The following ZNF709 variants were observed in gnomAD, a reference collection of about 807,000 sequenced individuals.
ZNF709 encodes the protein zinc finger protein 709.
ZNF709 carries 15 observed loss-of-function variants against 10.6 expected under a neutral mutation model. The ratio of observed to expected loss-of-function variants is 1.41; its 90% CI spans 0.95 to 2.18. The LOEUF is 2.18. Among genes scored for constraint, ZNF709 ranks in the 30% most tolerant of loss-of-function variants. The pLI is 0.00. For synonymous variants in ZNF709, 194 were observed against 238.8 expected, an observed-to-expected ratio of 0.81 and a Z score of 1.73; for missense variants, 589 against 774.0, an observed-to-expected ratio of 0.76 and a Z score of 2.84.
intron 1 of ZNF709, among the ~76,000 whole-genome samples, chr19:12,477,525 C>G (rs962452667): frequency 3.3e-5 from 5 of 152,110 alleles, no homozygotes; most frequent in African/African-American, 1.2e-4. Flanking sequence ...ACTTATTTGT[C>G]TTCTATTTTA....
intron 1 of ZNF709, among the ~76,000 whole-genome samples, chr19:12,474,762 G>T (rs942088697): frequency 5.3e-5 from 8 of 152,146 alleles, no homozygotes; most frequent in African/African-American, 1.9e-4. Context: ...CATTCAAAGT[G>T]TTAAGCTAAT....
rs1385980298 is a variant in ZNF709, at chr19:12,461,208, T to C, written c.*2788A>G. 6.6e-6 allele frequency: 1 copy of C among 152,238 alleles called. No homozygotes were observed. The highest frequency in any genetic ancestry group is 1.5e-5 in the Non-Finnish European group (1 of 68,048). 9.4% of individuals were successfully genotyped at this position (152,238 alleles called of 1,614,324 possible). ...CTATAATTGCAATGGAATATTTTAA[T>C]ATATCCTTGCAGAAAATTAAATAGA... On this transcript the variant is annotated 3_prime_UTR_variant, in exon 4 of 4. Coordinates refer to ENST00000397732, the MANE Select transcript of ZNF709 (RefSeq NM_152601.4).
At chr19:12,466,917 T>C (rs1407280280) in intron 1 of ZNF709, 67 bp from the exon 2 acceptor site, 1 of 1,518,966 alleles carries the variant, frequency 6.6e-7, no homozygotes, top group Non-Finnish European at 8.8e-7. Context: ...TAAACTCAGT[T>C]CATTAAAAGT....
chr19:12,467,329 G>A (rs1210142817), intron 1 of ZNF709, among the ~76,000 whole-genome samples: 1 of 152,216 alleles, frequency 6.6e-6, no homozygotes, highest in African/African-American at 2.4e-5. Context: ...TTTTGGTGGA[G>A]ACGGGGTTTC....
At chr19:12,470,080 C>G (rs1296673335) in intron 1 of ZNF709, among the ~76,000 whole-genome samples, 2 of 152,154 alleles carry the variant, frequency 1.3e-5, no homozygotes, top group Admixed American at 6.5e-5. Flanking sequence ...AAGAAGTGAT[C>G]CGCAAACAGC....
At chr19:12,466,969 A>G in intron 1 of ZNF709, 119 bp from the exon 2 acceptor site, 1 of 1,405,768 alleles carries the variant, frequency 7.1e-7, no homozygotes, top group Non-Finnish European at 9.5e-7. Context: ...CTTTGTCATC[A>G]GAACTCAAAT....
chr19:12,465,522 T>C lies in ZNF709; in HGVS notation c.400A>G (p.Lys134Glu). The C allele has an allele frequency of 6.2e-7, 1 of 1,611,464 alleles. No homozygotes were observed. Among genetic ancestry groups the C allele is most frequent in the Non-Finnish European group, 8.5e-7 (1 of 1,179,162 alleles). ...HTEHRSYEYH[K>E]YGEKSYECKE... ...CATTCATATGATTTCTCTCCATATT[T>C]GTGATATTCATATGATCTATGTTCA... The change falls in exon 4 of 4, where the codon AAA becomes GAA. Residue 134 changes from lysine (K) to glutamate (E), a missense_variant. Physicochemically the swap from Lys to Glu is moderately conservative, Grantham distance 56 (BLOSUM62 1). Around this residue, in one of 2 missense-constraint regions of ZNF709, gnomAD observed 418 missense variants for 496.3 expected, o/e 0.84. Coordinates refer to ENST00000397732, the MANE Select transcript of ZNF709 (RefSeq NM_152601.4).
chr19:12,481,424 G>A (rs1970725979), intron 1 of ZNF709, among the ~76,000 whole-genome samples: 1 of 151,830 alleles, frequency 6.6e-6, no homozygotes, highest in Non-Finnish European at 1.5e-5. Context: ...ATTTTTAGTA[G>A]CGACAGGGTT....
chr19:12,462,729 C>G lies in ZNF709; in HGVS notation c.*1267G>C, dbSNP rs1486905420. ...GGCCAGTAGGAAATCCTAAAAATTA[C>G]CAAATTGTCATTTTTTGATGGCCCA... On this transcript the variant is annotated 3_prime_UTR_variant, in exon 4 of 4. Coordinates refer to ENST00000397732, the MANE Select transcript of ZNF709 (RefSeq NM_152601.4). 2.0e-5 allele frequency: 3 copies of G among 152,002 alleles called. No homozygotes were observed. Among genetic ancestry groups the G allele is most frequent in the Non-Finnish European group, 4.4e-5 (3 of 68,010 alleles). 9.4% of individuals were successfully genotyped at this position (152,002 alleles called of 1,614,324 possible). A position where few individuals can be genotyped will look rare whatever the true frequency, so the allele number is the denominator to read the frequency against.
intron 1 of ZNF709, among the ~76,000 whole-genome samples, chr19:12,469,760 C>T (rs546385538): frequency 2.0e-5 from 3 of 152,142 alleles, no homozygotes; most frequent in African/African-American, 7.2e-5. Context: ...CAGAGCAAGA[C>T]TCTGTCTCAA....
In ZNF709 at chr19:12,474,864, C is replaced by CA. The variant is rs375777898; in HGVS notation, c.4-8015dup. 8.7e-4 allele frequency among the ~76,000 whole-genome samples: 133 copies of CA among 152,240 alleles called. 1 individual carries two copies. Among genetic ancestry groups the CA allele is most frequent in the South Asian group, 2.7e-3 (13 of 4,828 alleles). Reference sequence around the variant, plus strand: ...AATATTCTTATACATAATGGTGGTACAAACATCACTTTCAACTCTAGTATA... The same window carrying CA: ...AATATTCTTATACATAATGGTGGTACAAAACATCACTTTCAACTCTAGTATA... On this transcript the variant is annotated intron_variant, in intron 1 of 3. Coordinates refer to ENST00000397732, the MANE Select transcript of ZNF709 (RefSeq NM_152601.4).
chr19:12,470,327 T>C (rs1036336070), intron 1 of ZNF709, among the ~76,000 whole-genome samples: 21 of 152,142 alleles, frequency 1.4e-4, no homozygotes, highest in Non-Finnish European at 3.1e-4. Flanking sequence ...GTAACAGAAA[T>C]ATCCACACCT....
rs372591892 is a variant in ZNF709 at position 12,464,887 on chromosome 19, G to A, written c.1035C>T (p.Phe345=). ...PYDCKECGKA[F]ISLPSYRRHM... ...GTCTTCGATAGCTTGGAAGAGAAAT[G>A]AATGCTTTCCCACATTCCTTACAAT... The change falls in exon 4 of 4, where the codon TTC becomes TTT. Residue 345 remains phenylalanine (F), a synonymous_variant. Transcript: ENST00000397732. 25 of 1,613,814 alleles carry A rather than the reference G, an allele frequency of 1.5e-5. No individual in the cohort carries two copies. The East Asian group carries it at 2.5e-4, about 16-fold the overall frequency.
intron 1 of ZNF709, 53 bp from the exon 2 acceptor site, chr19:12,466,903 G>A: frequency 1.3e-6 from 2 of 1,568,144 alleles, no homozygotes; most frequent in Non-Finnish European, 1.7e-6. Flanking sequence ...CAGCACTGGG[G>A]ATATAAACTC....
chr19:12,468,040 G>A (rs1343434184), intron 1 of ZNF709, among the ~76,000 whole-genome samples: 1 of 148,158 alleles, frequency 6.7e-6, no homozygotes, highest in East Asian at 2.1e-4. Flanking sequence ...GTCAGCCCCC[G>A]CCCGGCCAGC....
chr19:12,469,265 C>T (rs1004150172), intron 1 of ZNF709, among the ~76,000 whole-genome samples: 1 of 152,144 alleles, frequency 6.6e-6, no homozygotes, highest in Non-Finnish European at 1.5e-5. Flanking sequence ...CATGTTGTAC[C>T]GAAGTACTGC....
Position 12,463,627 on chromosome 19 carries a change from G to A in ZNF709, c.*369C>T, listed in dbSNP as rs1481441228. 1 of 163,612 alleles carries A rather than the reference G, an allele frequency of 6.1e-6. No homozygotes were observed. Among genetic ancestry groups the A allele is most frequent in the Non-Finnish European group, 1.3e-5 (1 of 76,066 alleles). The allele number at this position is 163,612 out of a possible 1,614,324, so 10.1% of individuals were successfully genotyped here. ...TTCTCTGAAATATGAATAATTTCATGTCTTCAAAAGGAAATGGGGGCCGGG... is the reference window on the plus strand; with the variant it reads ...TTCTCTGAAATATGAATAATTTCATATCTTCAAAAGGAAATGGGGGCCGGG... On this transcript the variant is annotated 3_prime_UTR_variant, in exon 4 of 4. Transcript: ENST00000397732.
At chr19:12,481,341 C>T (rs1383976140) in intron 1 of ZNF709, 1 of 184,668 alleles carries the variant, frequency 5.4e-6, no homozygotes, top group Non-Finnish European at 1.0e-5. Flanking sequence ...TCAAGCAATT[C>T]TCCTGCCTCA....
intron 1 of ZNF709, among the ~76,000 whole-genome samples, chr19:12,483,984 C>T (rs981309248): frequency 3.3e-5 from 5 of 152,102 alleles, no homozygotes; most frequent in Non-Finnish European, 5.9e-5. Flanking sequence ...GCTTCAAGTC[C>T]TTCTCCTCTG....
Sources: gnomAD v4.1 joint callset for allele counts (sites outside exome capture counted in the v4.1 genomes callset) on GRCh38, gnomAD v4.1.1 for gene constraint, gnomAD v4.1.1 regional missense constraint, MANE v1.5 for transcripts, NCBI Gene and HGNC (gene_info 2026-07-23, HGNC 2026-07-21) for gene names.